Variants in PLK4 observed in about 807,000 individuals in gnomAD.
PLK4 encodes the protein polo like kinase 4, also known as serine/threonine-protein kinase PLK4.
Under a neutral mutation model 103.0 loss-of-function variants are expected in PLK4, and 51 were observed. The observed-to-expected ratio is 0.50, with a 90% CI of 0.40 to 0.63. The LOEUF (loss-of-function observed/expected upper bound fraction) is 0.63. Ranked by LOEUF, PLK4 falls within the 20% of genes least tolerant of loss-of-function variation. The pLI is 0.00. For synonymous variants in PLK4, 389 were observed against 376.8 expected, an observed-to-expected ratio of 1.03 and a Z score of -0.38; for missense variants, 1,054 against 1,151.0, an observed-to-expected ratio of 0.92 and a Z score of 1.22.
At position 127,897,001 on chromosome 4, in the gene PLK4, T is replaced by G. The variant is rs1735593673; in HGVS notation, c.2810+94T>G. The G allele has an allele frequency of 1.2e-5, 8 of 668,672 alleles. No individual in the cohort carries two copies. In the South Asian group the frequency reaches 1.4e-4, roughly 12 times the overall value. The allele number at this position is 668,672 out of a possible 1,614,324, so 41.4% of individuals were successfully genotyped here. A position where few individuals can be genotyped will look rare whatever the true frequency, so the allele number is the denominator to read the frequency against. ...TGGATGATTTAATAAAGATACTTCTTTCATTTTGACAATGATCGTGTGATT... is the reference window on the plus strand; with the variant it reads ...TGGATGATTTAATAAAGATACTTCTGTCATTTTGACAATGATCGTGTGATT... On this transcript the variant is annotated intron_variant, in intron 15 of 15. Transcript: ENST00000270861.
At chr4:127,894,330 C>G (rs1429430339) in intron 13 of PLK4, among the ~76,000 whole-genome samples, 3 of 152,038 alleles carry the variant, frequency 2.0e-5, no homozygotes, top group African/African-American at 7.2e-5. Flanking sequence ...GGGTTCACGC[C>G]ATTCTTCTGC....
At chr4:127,897,017 T>A (rs1354915972) in intron 15 of PLK4, 110 bp downstream of exon 15, 14 of 617,700 alleles carry the variant, frequency 2.3e-5, no homozygotes, top group Non-Finnish European at 4.1e-5. Flanking sequence ...TTGACAATGA[T>A]CGTGTGATTC....
intron 15 of PLK4, among the ~76,000 whole-genome samples, chr4:127,897,911 T>A (rs1388900638): frequency 7.2e-6 from 1 of 139,126 alleles, no homozygotes; most frequent in Non-Finnish European, 1.5e-5. Flanking sequence ...GCGACTTGGC[T>A]CACTGCAACT....
At position 127,881,101 on chromosome 4, in the gene PLK4, C is replaced by G; in HGVS notation, c.-34C>G. 6.2e-7 allele frequency: 1 copy of G among 1,613,458 alleles called. No homozygotes were observed. Among genetic ancestry groups the G allele is most frequent in the East Asian group, 2.2e-5 (1 of 44,872 alleles). ...CCTCGAAGGGACTGCGTGAAGGAAG[C>G]TAATCCGGAGAACCCAGGCCAGAGC... On this transcript the variant is annotated 5_prime_UTR_variant, in exon 1 of 16. Transcript: ENST00000270861.
chr4:127,895,842 T>C (rs928913457), intron 14 of PLK4, among the ~76,000 whole-genome samples: 3 of 152,100 alleles, frequency 2.0e-5, no homozygotes, highest in Non-Finnish European at 4.4e-5. Context: ...GGTGGGAGGG[T>C]CATTTGAGTC....
At chr4:127,888,983 A>ACTTAATTTTGCACATC (rs1377719098) in intron 6 of PLK4, among the ~76,000 whole-genome samples, 8 of 152,168 alleles carry the variant, frequency 5.3e-5, no homozygotes, top group South Asian at 2.1e-4. Context: ...ACTGCCACAT[A>ACTTAATTTTGCACATC]CTTAATTTTG....
At position 127,883,472 on chromosome 4, in the gene PLK4, T is replaced by A; in HGVS notation, c.256T>A (p.Tyr86Asn). 6.6e-7 allele frequency: 1 copy of A among 1,517,874 alleles called. No individual in the cohort carries two copies. The highest frequency in any genetic ancestry group is 9.1e-7 in the Non-Finnish European group (1 of 1,093,182). 94.0% of individuals were successfully genotyped at this position (1,517,874 alleles called of 1,614,324 possible). ...CTATTTTGAAGATAGCAATTATGTG[T>A]ATCTGGTATTAGAAATGTGCCATAA... ...YNYFEDSNYV[Y>N]LVLEMCHNGE... is the part of the protein sequence containing the mutation. Residue 86 changes from tyrosine to asparagine, a missense_variant, in exon 4 of 16, where the codon TAT becomes AAT. This residue lies in a region of PLK4 where 199 missense variants were observed against 270.1 expected (regional missense o/e 0.74). Coordinates refer to ENST00000270861, the MANE Select transcript of PLK4 (RefSeq NM_014264.5).
rs557791642 is a variant in PLK4 at position 127,880,948 on chromosome 4, G to A, written c.-187G>A. The A allele has an allele frequency of 1.8e-5, 11 of 624,118 alleles. No individual in the cohort carries two copies. The highest frequency in any genetic ancestry group is 2.8e-5 in the Non-Finnish European group (10 of 358,250). 38.7% of individuals were successfully genotyped at this position (624,118 alleles called of 1,614,324 possible). ...GGGAGATTTTCAAAATGGGAGCCCA[G>A]AGGCACCGCCCAGGCCTCGGAAGGT... is the stretch of plus-strand genomic sequence containing the variant. On this transcript the variant is annotated 5_prime_UTR_variant, in exon 1 of 16. Coordinates refer to ENST00000270861, the MANE Select transcript of PLK4 (RefSeq NM_014264.5).
Position 127,881,139 on chromosome 4 carries a change from C to G in PLK4, c.5C>G (p.Ala2Gly). 1 of 1,613,930 alleles carries G rather than the reference C, an allele frequency of 6.2e-7. No homozygotes were observed. Among genetic ancestry groups the G allele is most frequent in the Non-Finnish European group, 8.5e-7 (1 of 1,179,986 alleles). Residue 2 changes from alanine to glycine, a missense_variant, in exon 1 of 16, where the codon GCG (alanine) becomes GGG (glycine). By Grantham distance (60) the Ala-to-Gly change is moderately conservative (BLOSUM62 0). This residue lies in a region of PLK4 where 199 missense variants were observed against 270.1 expected (regional missense o/e 0.74). Transcript: ENST00000270861. M[A>G]TCIGEKIEDF... Reference sequence around the variant, plus strand: ...CCCAGGCCAGAGCCTGGAAATATGGCGACCTGCATCGGGGAGAAGATCGAG... The same window carrying G: ...CCCAGGCCAGAGCCTGGAAATATGGGGACCTGCATCGGGGAGAAGATCGAG...
At chr4:127,890,529 T>A (rs939845052) in intron 7 of PLK4, among the ~76,000 whole-genome samples, 2 of 152,188 alleles carry the variant, frequency 1.3e-5, no homozygotes, top group Admixed American at 1.3e-4. Context: ...TGGTTAAAGA[T>A]TATTTTGTTC....
chr4:127,889,836 C>A, intron 6 of PLK4, 30 bp from the exon 7 acceptor site: 1 of 1,466,206 alleles, frequency 6.8e-7, no homozygotes, highest in Admixed American at 2.3e-5. Flanking sequence ...TAGTTATTTA[C>A]TAAATTGCTT....
In PLK4 at chr4:127,886,094, A is replaced by G. The variant is rs747775945; in HGVS notation, c.724A>G (p.Ile242Val). ...SFLSIEAKDL[I>V]HQLLRRNPAD... is the part of the protein sequence containing the mutation. Reference sequence around the variant, plus strand: ...TTTGTCAATAGAGGCCAAGGACCTTATTCACCAGTTACTTCGTAGAAATCC... The same window carrying G: ...TTTGTCAATAGAGGCCAAGGACCTTGTTCACCAGTTACTTCGTAGAAATCC... Residue 242 changes from isoleucine (I) to valine (V), a missense_variant, in exon 5 of 16, where the codon ATT becomes GTT. This residue lies in a region of PLK4 where 680 missense variants were observed against 660.3 expected (regional missense o/e 1.03). Coordinates refer to ENST00000270861, the MANE Select transcript of PLK4 (RefSeq NM_014264.5). The G allele has an allele frequency of 6.2e-7, 1 of 1,614,214 alleles. No homozygotes were observed.
intron 6 of PLK4, among the ~76,000 whole-genome samples, chr4:127,887,977 C>A (rs1047982730): frequency 6.7e-6 from 1 of 150,064 alleles, no homozygotes; most frequent in Non-Finnish European, 1.5e-5. Context: ...GTCAGGCATT[C>A]GAGACCACCC....
chr4:127,885,539 T>G (rs1027756938), intron 4 of PLK4, among the ~76,000 whole-genome samples, 169 bp from the exon 5 acceptor site: 1 of 149,556 alleles, frequency 6.7e-6, no homozygotes, highest in African/African-American at 2.5e-5. Flanking sequence ...TTGGTACCAC[T>G]CTGATAATTG....
At chr4:127,895,694 T>C (rs1735541834) in intron 14 of PLK4, among the ~76,000 whole-genome samples, 2 of 152,008 alleles carry the variant, frequency 1.3e-5, no homozygotes, top group South Asian at 4.1e-4. Context: ...GTGCTGAGAT[T>C]ACAGGCGTGA....
In PLK4 at chr4:127,899,118, T is replaced by TA. The variant is rs1735684660; in HGVS notation, c.*578dup. On this transcript the variant is annotated 3_prime_UTR_variant, in exon 16 of 16. Transcript: ENST00000270861. ...ATTAAATACTTATTTTTAAATAACT[T>TA]ACCAGTAAACTCACTTTTTAAATTT... 1 of 152,246 alleles carries TA rather than the reference T, an allele frequency of 6.6e-6. No individual in the cohort carries two copies. Among genetic ancestry groups the TA allele is most frequent in the African/African-American group, 2.4e-5 (1 of 41,462 alleles). 9.4% of individuals were successfully genotyped at this position (152,246 alleles called of 1,614,324 possible).
rs1474406057 is a variant in PLK4 at position 127,891,671 on chromosome 4, C to T, written c.2028C>T (p.Asp676=). Residue 676 remains aspartate (D), a synonymous_variant, in exon 9 of 16, where the codon GAC becomes GAT. Coordinates refer to ENST00000270861, the MANE Select transcript of PLK4 (RefSeq NM_014264.5). The part of the protein sequence containing the change: ...PTDNISRYSF[D]NLPEKYWRKY... ...ACAACATCAGTAGGTACAGCTTTGA[C>T]AATTTACCAGGTATGTGAATTTACC... 1.4e-6 allele frequency: 2 copies of T among 1,421,450 alleles called. No homozygotes were observed. Among genetic ancestry groups the T allele is most frequent in the South Asian group, 1.6e-5 (1 of 64,386 alleles). 88.1% of individuals were successfully genotyped at this position (1,421,450 alleles called of 1,614,324 possible). A position where few individuals can be genotyped will look rare whatever the true frequency, so the allele number is the denominator to read the frequency against.
Position 127,887,412 on chromosome 4 carries a change from C to A in PLK4, c.1375C>A (p.Pro459Thr). ...NNQALSNHLC[P>T]GKTPFPFADP... ...TTTGTTTAGCTCCAATCATCTTTGT[C>A]CAGGAAAAACTCCTTTTCCATTTGC... The change falls in exon 6 of 16, where the codon CCA becomes ACA. Residue 459 changes from proline (P) to threonine (T), a missense_variant. Around this residue, in one of 4 missense-constraint regions of PLK4, gnomAD observed 680 missense variants for 660.3 expected, o/e 1.03. Coordinates refer to ENST00000270861, the MANE Select transcript of PLK4 (RefSeq NM_014264.5). 1 of 1,605,884 alleles carries A rather than the reference C, an allele frequency of 6.2e-7. No individual in the cohort carries two copies. The highest frequency in any genetic ancestry group is 8.5e-7 in the Non-Finnish European group (1 of 1,173,678).
rs70966059 is a variant in PLK4, at chr4:127,895,452, C to CTTTTTTT, written c.2703+381_2703+387dup. Among the ~76,000 whole-genome samples, 88 of 65,192 alleles carry CTTTTTTT rather than the reference C, an allele frequency of 1.3e-3. 14 individuals are homozygous for CTTTTTTT. The highest frequency in any genetic ancestry group is 4.0e-3 in the African/African-American group (61 of 15,074). The allele number at this position is 65,192 out of a possible 152,430, so 42.8% of individuals were successfully genotyped here. The stretch of plus-strand genomic sequence containing the variant: ...TAATCAATATTAGTAGAGTAACTTT[C>CTTTTTTT]TTTTTTTTTTTTTTTTTTTTTTTTT... On this transcript the variant is annotated intron_variant, in intron 14 of 15. Coordinates refer to ENST00000270861, the MANE Select transcript of PLK4 (RefSeq NM_014264.5).
Sources: allele counts gnomAD v4.1 joint callset (sites outside exome capture counted in the v4.1 genomes callset), GRCh38; gene constraint gnomAD v4.1.1; regional missense constraint gnomAD v4.1.1; transcripts MANE v1.5; gene names NCBI Gene and HGNC (gene_info 2026-07-23, HGNC 2026-07-21).